Variants in SPECC1 observed in about 807,000 individuals in gnomAD.
The protein encoded by SPECC1 is sperm antigen with calponin homology and coiled-coil domains 1.
In SPECC1, 62 loss-of-function variants were observed where a neutral mutation model predicts 104.1. That is an observed-to-expected ratio of 0.60 (90% CI 0.49 to 0.74). The LOEUF (loss-of-function observed/expected upper bound fraction) is 0.74. Among genes scored for constraint, SPECC1 ranks in the 30% least tolerant of loss-of-function variants. SPECC1 has a pLI of 0.00. For missense variants in SPECC1, 1,306 were observed against 1,310.5 expected, an observed-to-expected ratio of 1.00 and a Z score of 0.05; for synonymous variants, 513 against 501.6, an observed-to-expected ratio of 1.02 and a Z score of -0.30.
chr17:20,238,292 CTT>C, intron 7 of SPECC1: 4 of 1,040,684 alleles, frequency 3.8e-6, no homozygotes, highest in Non-Finnish European at 4.6e-6. Flanking sequence ...ACCCCAGAAA[CTT>C]AGTGTTCAAA....
intron 2 of SPECC1, among the ~76,000 whole-genome samples, chr17:20,109,493 C>T (rs2048378598): frequency 6.6e-6 from 1 of 152,210 alleles, no homozygotes; most frequent in Admixed American, 6.5e-5. Flanking sequence ...GTGTGGATCA[C>T]TTAGGAGTCT....
intron 3 of SPECC1, among the ~76,000 whole-genome samples, chr17:20,143,591 C>G (rs1002817058): frequency 6.6e-6 from 1 of 151,414 alleles, no homozygotes; most frequent in Admixed American, 6.6e-5. Flanking sequence ...GGCTGAGGCA[C>G]GAGAATGGCT....
chr17:20,023,788 C>G (rs1327683559), intron 1 of SPECC1, among the ~76,000 whole-genome samples: 2 of 149,292 alleles, frequency 1.3e-5, no homozygotes, highest in African/African-American at 2.5e-5. Flanking sequence ...AACTCCTATG[C>G]TATTCAAATG....
intron 10 of SPECC1, among the ~76,000 whole-genome samples, chr17:20,255,447 CAT>C (rs1230314444): frequency 6.6e-6 from 1 of 152,218 alleles, no homozygotes; most frequent in East Asian, 1.9e-4. Flanking sequence ...GTAAAAGACA[CAT>C]AATATAAAAT....
rs374615894 is a variant in SPECC1, at chr17:20,166,840, G to A, written c.284-37493G>A. Among the ~76,000 whole-genome samples, 16 of 152,222 alleles carry A rather than the reference G, an allele frequency of 1.1e-4. No individual in the cohort carries two copies. In the South Asian group the frequency reaches 3.3e-3, roughly 32 times the overall value. ...CAACCCCAAAAATTATATGGGACCA[G>A]GCATGGTGGCAAATGTCAACACTTT... is the stretch of plus-strand genomic sequence containing the variant. On this transcript the variant is annotated intron_variant, in intron 3 of 14. Transcript: ENST00000395527.
chr17:20,076,169 G>A (rs914108952), intron 1 of SPECC1, among the ~76,000 whole-genome samples: 19 of 152,024 alleles, frequency 1.2e-4, no homozygotes, highest in African/African-American at 4.6e-4. Flanking sequence ...ATAGCATAAG[G>A]CTTTAAAATT....
At chr17:20,245,146 C>T (rs758694660) in intron 7 of SPECC1, among the ~76,000 whole-genome samples, 1 of 152,178 alleles carries the variant, frequency 6.6e-6, no homozygotes, top group Non-Finnish European at 1.5e-5. Context: ...ATTGCACTCT[C>T]GTTGGCTTAG....
chr17:20,196,713 C>T (rs2036059765), intron 3 of SPECC1, among the ~76,000 whole-genome samples: 1 of 152,068 alleles, frequency 6.6e-6, no homozygotes, highest in South Asian at 2.1e-4. Context: ...CTTTGTATAG[C>T]TAGGGGGCAT....
intron 1 of SPECC1, among the ~76,000 whole-genome samples, chr17:20,040,627 A>G (rs375636982): frequency 2.8e-4 from 43 of 152,282 alleles, no homozygotes; most frequent in African/African-American, 1.0e-3. Context: ...CTTTTCTTTC[A>G]GCACTTGAAA....
intron 1 of SPECC1, among the ~76,000 whole-genome samples, chr17:20,029,586 A>T (rs117058405): frequency 6.6e-6 from 1 of 152,006 alleles, no homozygotes; most frequent in Non-Finnish European, 1.5e-5. Context: ...TTGGTTGTCA[A>T]TTCAGTCTCT....
chr17:20,240,060 ATTTTTTTTTTTTTTTTTTT>A (rs748689632), intron 7 of SPECC1, among the ~76,000 whole-genome samples: 2 of 32,180 alleles, frequency 6.2e-5, no homozygotes, highest in Non-Finnish European at 1.0e-4. Context: ...TGTCCAGCTA[ATTTTTTTTTTTTTTTTTTT>A]TTTTTTTTTT....
At chr17:20,298,921 A>AGAGAGAG (rs1555535542) in intron 13 of SPECC1, among the ~76,000 whole-genome samples, 1 of 72,792 alleles carries the variant, frequency 1.4e-5, no homozygotes, top group East Asian at 1.9e-3. Context: ...GCAGAACCAA[A>AGAGAGAG]AGAGAGAGAG....
At chr17:20,048,619 T>C (rs957167684) in intron 1 of SPECC1, among the ~76,000 whole-genome samples, 3 of 151,234 alleles carry the variant, frequency 2.0e-5, no homozygotes, top group African/African-American at 7.3e-5. Flanking sequence ...TTGTAAGAAT[T>C]CCCAGGGCCA....
rs941743532 is a variant in SPECC1, at chr17:20,249,991, A to G, written c.2598+2672A>G. Among the ~76,000 whole-genome samples, 126 of 152,324 alleles carry G rather than the reference A, an allele frequency of 8.3e-4. 1 individual carries two copies. The highest frequency in any genetic ancestry group is 2.9e-3 in the African/African-American group (122 of 41,586). Reference sequence around the variant, plus strand: ...GAGATAAGTACAAAGAAAACCACCCAGACACATGAGGTTAAAACTGCTGGA... The same window carrying G: ...GAGATAAGTACAAAGAAAACCACCCGGACACATGAGGTTAAAACTGCTGGA... On this transcript the variant is annotated intron_variant, in intron 9 of 14. Coordinates refer to ENST00000395527, the MANE Select transcript of SPECC1 (RefSeq NM_001243439.2).
Position 20,318,823 on chromosome 17 carries a change from A to AT in SPECC1, c.*4758_*4759insT. 4.8e-6 allele frequency: 1 copy of AT among 209,464 alleles called. No individual in the cohort carries two copies. The highest frequency in any genetic ancestry group is 7.2e-5 in the East Asian group (1 of 13,826). The allele number at this position is 209,464 out of a possible 1,614,324, so 13.0% of individuals were successfully genotyped here. A position where few individuals can be genotyped will look rare whatever the true frequency, so the allele number is the denominator to read the frequency against. On this transcript the variant is annotated 3_prime_UTR_variant, in exon 15 of 15. Transcript: ENST00000395527. ...TCTGTAGCATCCTGAATAGCACACT[A>AT]ATTTTTTTTTTTAGCACACTAACTT...
chr17:20,168,177 A>G (rs2033813886), intron 3 of SPECC1, among the ~76,000 whole-genome samples: 1 of 152,244 alleles, frequency 6.6e-6, no homozygotes, highest in South Asian at 2.1e-4. Context: ...ATGAACAAAG[A>G]AAGCCACAGT....
At chr17:20,209,831 G>C (rs1774062398) in intron 4 of SPECC1, among the ~76,000 whole-genome samples, 1 of 152,118 alleles carries the variant, frequency 6.6e-6, no homozygotes, top group South Asian at 2.1e-4. Flanking sequence ...CAGTTGTTTG[G>C]GATCTTGGTT....
At chr17:20,021,743 G>T (rs1398278216) in intron 1 of SPECC1, among the ~76,000 whole-genome samples, 1 of 143,272 alleles carries the variant, frequency 7.0e-6, no homozygotes, top group Admixed American at 7.0e-5. Flanking sequence ...TCACTGTGTC[G>T]GCCAGGATGG....
chr17:20,204,899 A>C lies in SPECC1; in HGVS notation c.850A>C (p.Ser284Arg), dbSNP rs1452321802. The part of the protein sequence containing the change: ...SCPTSITQES[S>R]FGSPTGNQMS... ...CCCAACATCCATAACTCAAGAGTCAAGCTTCGGAAGCCCAACTGGAAATCA... is the reference window on the plus strand; with the variant it reads ...CCCAACATCCATAACTCAAGAGTCACGCTTCGGAAGCCCAACTGGAAATCA... Residue 284 changes from serine to arginine, a missense_variant, in exon 4 of 15, where the codon AGC becomes CGC. By Grantham distance (110) the Ser-to-Arg change is moderately radical. Around this residue, in one of 2 missense-constraint regions of SPECC1, gnomAD observed 1,177 missense variants for 1,139.9 expected, o/e 1.03. Transcript: ENST00000395527. 6.2e-7 allele frequency: 1 copy of C among 1,614,094 alleles called. No homozygotes were observed. The highest frequency in any genetic ancestry group is 1.7e-5 in the Admixed American group (1 of 60,026).
Sources: allele counts gnomAD v4.1 joint callset (sites outside exome capture counted in the v4.1 genomes callset), GRCh38; gene constraint gnomAD v4.1.1; regional missense constraint gnomAD v4.1.1; transcripts MANE v1.5; gene names NCBI Gene and HGNC (gene_info 2026-07-23, HGNC 2026-07-21).